The following DMD variants were observed in gnomAD, a reference collection of about 807,000 sequenced individuals.
The protein encoded by DMD is dystrophin, also known as mutant dystrophin.
DMD carries 63 observed loss-of-function variants against 330.1 expected under a neutral mutation model. That is an observed-to-expected ratio of 0.19 (90% confidence interval 0.16 to 0.24). The LOEUF is 0.24. Ranked by LOEUF, DMD falls within the 10% of genes least tolerant of loss-of-function variation. The probability of loss-of-function intolerance (pLI) is 1.00; values close to 1 mark genes in which losing one functional copy is unlikely to be tolerated. For missense variants in DMD, 3,344 were observed against 2,684.1 expected, an observed-to-expected ratio of 1.25 and a Z score of -5.43; for synonymous variants, 1,223 against 959.8, an observed-to-expected ratio of 1.27 and a Z score of -5.07.
At chrX:33,258,276 T>C (rs763456362) in intron 1 of DMD, among the ~76,000 whole-genome samples, 2 of 111,402 alleles carry the variant, frequency 1.8e-5, no homozygotes, top group Non-Finnish European at 3.8e-5. Context: ...ATCCGCTATA[T>C]TGTTTTACAC....
intron 55 of DMD, among the ~76,000 whole-genome samples, chrX:31,564,220 C>T (rs2075350177): frequency 8.9e-6 from 1 of 111,809 alleles, no homozygotes; most frequent in African/African-American, 3.3e-5. Flanking sequence ...CAACAGACTT[C>T]TTTTGGTTAA....
chrX:32,722,168 T>G (rs1224382197), intron 7 of DMD, among the ~76,000 whole-genome samples: 2 of 110,577 alleles, frequency 1.8e-5, no homozygotes, highest in Non-Finnish European at 3.8e-5. Context: ...CTCTTTTATT[T>G]CTGTGAAAAA....
At chrX:32,705,940 A>G (rs1423379700) in intron 7 of DMD, among the ~76,000 whole-genome samples, 15 of 109,957 alleles carry the variant, frequency 1.4e-4, no homozygotes, top group Non-Finnish European at 2.1e-4. Flanking sequence ...TGTTTACTGC[A>G]GCACTATTCA....
At chrX:32,259,413 A>T (rs923808557) in intron 43 of DMD, among the ~76,000 whole-genome samples, 1 of 111,392 alleles carries the variant, frequency 9.0e-6, no homozygotes. Context: ...CCTATATTGT[A>T]TAATTTACTT....
At chrX:32,956,331 T>C (rs1212449742) in intron 2 of DMD, among the ~76,000 whole-genome samples, 1 of 112,142 alleles carries the variant, frequency 8.9e-6, no homozygotes, top group African/African-American at 3.2e-5. Flanking sequence ...GTTTCTGTCA[T>C]CTCTGATTTC....
chrX:33,115,148 A>G (rs1020155844), intron 1 of DMD, among the ~76,000 whole-genome samples: 1 of 112,189 alleles, frequency 8.9e-6, no homozygotes, highest in East Asian at 2.8e-4. Context: ...ACTACCAAAC[A>G]TCTGTTGAAT....
chrX:32,271,194 A>G (rs746504770), intron 43 of DMD, among the ~76,000 whole-genome samples: 1 of 111,986 alleles, frequency 8.9e-6, no homozygotes, highest in African/African-American at 3.2e-5. Context: ...AGAACTGAAG[A>G]AGAAACTAAA....
At chrX:31,436,101 T>C (rs1287196097) in intron 60 of DMD, among the ~76,000 whole-genome samples, 1 of 111,919 alleles carries the variant, frequency 8.9e-6, no homozygotes, top group Non-Finnish European at 1.9e-5. Flanking sequence ...CATGCATAAA[T>C]ACATTTTGCT....
intron 1 of DMD, among the ~76,000 whole-genome samples, chrX:33,179,691 C>T (rs1213130909): frequency 1.1e-5 from 1 of 93,821 alleles, no homozygotes; most frequent in Non-Finnish European, 2.0e-5. Context: ...GAGACTCCGT[C>T]TCAAAAAAAA....
At position 33,259,611 on chromosome X, in the gene DMD, A is replaced by ACCC. The variant is rs1569559256; in HGVS notation, c.7+79647_7+79648insGGG. Among the ~76,000 whole-genome samples the ACCC allele has an allele frequency of 1.1e-3, 40 of 35,665 alleles. 1 individual carries two copies. The highest frequency in any genetic ancestry group is 3.4e-3 in the African/African-American group (36 of 10,671). The allele number at this position is 35,665 out of a possible 115,157, so 31.0% of individuals were successfully genotyped here. A position where few individuals can be genotyped will look rare whatever the true frequency, so the allele number is the denominator to read the frequency against. On this transcript the variant is annotated intron_variant, in intron 1 of 17. Transcript: ENST00000288447. Reference sequence around the variant, plus strand: ...ATTTCAAAATCGCCCCCCCCCCCCAAAAAAAAAAAGGAAATCTGAAACACT... The same window carrying ACCC: ...ATTTCAAAATCGCCCCCCCCCCCCAACCCAAAAAAAAAGGAAATCTGAAACACT...
chrX:31,487,308 G>C (rs1380571247), intron 57 of DMD, among the ~76,000 whole-genome samples: 2 of 108,635 alleles, frequency 1.8e-5, no homozygotes, highest in Non-Finnish European at 3.8e-5. Context: ...ACTCAGGCTG[G>C]AGTGCAGTGG....
At chrX:31,611,135 G>A (rs768183612) in intron 55 of DMD, among the ~76,000 whole-genome samples, 3 of 107,538 alleles carry the variant, frequency 2.8e-5, no homozygotes, top group Admixed American at 1.0e-4. Context: ...CAAAACATCT[G>A]GTCTAGTGGT....
intron 15 of DMD, among the ~76,000 whole-genome samples, chrX:32,571,338 T>C (rs2052393464): frequency 8.9e-6 from 1 of 111,806 alleles, no homozygotes; most frequent in Non-Finnish European, 1.9e-5. Flanking sequence ...TATGATAGAA[T>C]CCCTCATGAA....
chrX:32,009,895 G>T (rs7056927), intron 44 of DMD, among the ~76,000 whole-genome samples: 1,198 of 112,169 alleles, frequency 0.011, 16 homozygotes, highest in African/African-American at 0.036. Context: ...AGCTCAACTA[G>T]GTAGGTAGTA....
At chrX:33,179,213 G>C (rs1161545164) in intron 1 of DMD, among the ~76,000 whole-genome samples, 3 of 111,623 alleles carry the variant, frequency 2.7e-5, no homozygotes, top group Non-Finnish European at 5.6e-5. Flanking sequence ...TACTTTCAAA[G>C]CATGAACATT....
chrX:32,387,666 C>T (rs2097968892), intron 32 of DMD, among the ~76,000 whole-genome samples: 1 of 111,191 alleles, frequency 9.0e-6, no homozygotes, highest in Non-Finnish European at 1.9e-5. Context: ...ATAATTATGA[C>T]TTTTGTCTGA....
chrX:31,388,629 C>T (rs1488676543), intron 60 of DMD, among the ~76,000 whole-genome samples: 2 of 111,652 alleles, frequency 1.8e-5, no homozygotes, highest in Non-Finnish European at 3.8e-5. Context: ...AGGCCAGGAG[C>T]GGTGGCTCAT....
intron 1 of DMD, among the ~76,000 whole-genome samples, chrX:33,138,126 A>G (rs1184032709): frequency 8.9e-6 from 1 of 112,017 alleles, no homozygotes; most frequent in African/African-American, 3.2e-5. Flanking sequence ...AGAGTCCTAC[A>G]GTACAGTACT....
intron 63 of DMD, among the ~76,000 whole-genome samples, chrX:31,233,125 A>T (rs753806583): frequency 2.3e-4 from 26 of 111,622 alleles, no homozygotes; most frequent in African/African-American, 8.5e-4. Context: ...TTGACAGGCG[A>T]CTTACAGTCA....
Sources: allele counts gnomAD v4.1 joint callset (sites outside exome capture counted in the v4.1 genomes callset), GRCh38; gene constraint gnomAD v4.1.1; transcripts MANE v1.5; gene names NCBI Gene and HGNC (gene_info 2026-07-23, HGNC 2026-07-21).